Variants in TNC observed in about 807,000 individuals in gnomAD.
The protein encoded by TNC is tenascin.
Under a neutral mutation model 202.4 loss-of-function variants are expected in TNC, and 109 were observed. The observed-to-expected ratio is 0.54, with a 90% CI of 0.46 to 0.63. The LOEUF (loss-of-function observed/expected upper bound fraction) is 0.63. TNC is among the 30% of genes least tolerant of loss of function. The pLI, the probability that TNC is intolerant of heterozygous loss-of-function variation, is 0.00. For missense variants in TNC, 2,756 were observed against 2,833.3 expected (o/e 0.97, Z 0.62); for synonymous variants, 1,007 against 1,089.7 (o/e 0.92, Z 1.50).
At position 115,021,083 on chromosome 9, in the gene TNC, T is replaced by C; in HGVS notation, c.*74A>G. The stretch of plus-strand genomic sequence containing the variant: ...AGGTGTGGACCGATGGTTGGGCTGG[T>C]TGTATTGATGCTTTGGTAAAATCCT... On this transcript the variant is annotated 3_prime_UTR_variant, in exon 28 of 28. Coordinates refer to ENST00000350763, the MANE Select transcript of TNC (RefSeq NM_002160.4). 7.9e-7 allele frequency: 1 copy of C among 1,258,206 alleles called. No homozygotes were observed. Among genetic ancestry groups the C allele is most frequent in the Non-Finnish European group, 1.1e-6 (1 of 870,450 alleles). 77.9% of individuals were successfully genotyped at this position (1,258,206 alleles called of 1,614,324 possible). A position where few individuals can be genotyped will look rare whatever the true frequency, so the allele number is the denominator to read the frequency against.
intron 15 of TNC, chr9:115,055,357 T>A (rs1311535000): frequency 6.6e-6 from 1 of 152,624 alleles, no homozygotes; most frequent in Non-Finnish European, 1.5e-5. Context: ...TGGATGGCTC[T>A]ATCAAATTTG....
intron 1 of TNC, among the ~76,000 whole-genome samples, chr9:115,112,142 T>C (rs1179579787): frequency 6.6e-6 from 1 of 152,230 alleles, no homozygotes; most frequent in Non-Finnish European, 1.5e-5. Flanking sequence ...ATTTTTCTTT[T>C]CTAAAAGAAT....
intron 25 of TNC, among the ~76,000 whole-genome samples, chr9:115,028,924 G>GAAAAAAAAAAAAA (rs57737243): frequency 6.3e-5 from 4 of 63,964 alleles, no homozygotes; most frequent in African/African-American, 6.4e-5. Flanking sequence ...CATTATCTCT[G>GAAAAAAAAAAAAA]AAAAAAAAAA....
rs1296019553 is a variant in TNC at position 115,038,306 on chromosome 9, T to C, written c.5467A>G (p.Ile1823Val). 1.2e-6 allele frequency: 2 copies of C among 1,613,992 alleles called. No individual in the cohort carries two copies. The highest frequency in any genetic ancestry group is 2.7e-5 in the African/African-American group (2 of 74,908). Residue 1823 changes from isoleucine (I) to valine (V), a missense_variant, in exon 20 of 28, where the codon ATT becomes GTT. Ile to Val is a conservative substitution (Grantham distance 29, BLOSUM62 3). Around this residue, in one of 2 missense-constraint regions of TNC, gnomAD observed 2,559 missense variants for 2,546.0 expected, o/e 1.01. Transcript: ENST00000350763. ...SEALARWQPA[I>V]ATVDSYVISY... Reference sequence around the variant, plus strand: ...ATGACATAACTGTCCACAGTGGCAATGGCTGGCTGCCACCTGGCCAAGGCT... The same window carrying C: ...ATGACATAACTGTCCACAGTGGCAACGGCTGGCTGCCACCTGGCCAAGGCT...
In TNC at chr9:115,057,146, C is replaced by T. The variant is rs1353116901; in HGVS notation, c.4579+7G>A. ...AGTGCGTTAGAAATGGGAGAATGCA[C>T]ATGTACCTGTCGTGGCTGTGGCACT... On this transcript the variant is annotated splice_region_variant and intron_variant, in intron 15 of 27. Transcript: ENST00000350763. The T allele has an allele frequency of 6.2e-7, 1 of 1,607,402 alleles. No individual in the cohort carries two copies. The highest frequency in any genetic ancestry group is 8.5e-7 in the Non-Finnish European group (1 of 1,176,450).
chr9:115,057,137 G>A lies in TNC; in HGVS notation c.4579+16C>T, dbSNP rs779544852. 6.3e-7 allele frequency: 1 copy of A among 1,599,448 alleles called. No individual in the cohort carries two copies. The highest frequency in any genetic ancestry group is 8.5e-7 in the Non-Finnish European group (1 of 1,172,064). ...TGTGGAGAGAGTGCGTTAGAAATGG[G>A]AGAATGCACATGTACCTGTCGTGGC... On this transcript the variant is annotated intron_variant, in intron 15 of 27. Transcript: ENST00000350763.
intron 4 of TNC, among the ~76,000 whole-genome samples, chr9:115,083,890 C>T (rs911490707): frequency 2.6e-5 from 4 of 152,140 alleles, no homozygotes; most frequent in African/African-American, 9.7e-5. Context: ...CGGGCATGAG[C>T]CACCATGCCC....
chr9:115,035,348 G>A lies in TNC; in HGVS notation c.5657-14C>T, dbSNP rs775403621. 1 of 1,603,950 alleles carries A rather than the reference G, an allele frequency of 6.2e-7. No homozygotes were observed. Among genetic ancestry groups the A allele is most frequent in the Non-Finnish European group, 8.5e-7 (1 of 1,175,850 alleles). ...GAGAATCGAGGTCTGGAGAAGACAGGATGATTAATATCGGATAAGATCAGC... is the reference window on the plus strand; with the variant it reads ...GAGAATCGAGGTCTGGAGAAGACAGAATGATTAATATCGGATAAGATCAGC... On this transcript the variant is annotated splice_polypyrimidine_tract_variant and intron_variant, in intron 21 of 27. Transcript: ENST00000350763.
intron 25 of TNC, among the ~76,000 whole-genome samples, chr9:115,028,971 T>G (rs377226463): frequency 9.7e-6 from 1 of 102,590 alleles, no homozygotes. Context: ...AAGAAAGTCA[T>G]GGACCACAGG....
intron 9 of TNC, 45 bp downstream of exon 9, chr9:115,075,987 G>A (rs571681113): frequency 6.5e-7 from 1 of 1,549,350 alleles, no homozygotes. Flanking sequence ...TGTCTCATCT[G>A]CCCAGCACCA....
intron 22 of TNC, among the ~76,000 whole-genome samples, chr9:115,034,875 T>A (rs1830202509): frequency 6.6e-6 from 1 of 152,184 alleles, no homozygotes; most frequent in Admixed American, 6.5e-5. Context: ...TGTGAGATAA[T>A]ACATATGGCA....
At position 115,038,330 on chromosome 9, in the gene TNC, C is replaced by T. The variant is rs1181552357; in HGVS notation, c.5443G>A (p.Ala1815Thr). 2.5e-6 allele frequency: 4 copies of T among 1,614,050 alleles called. No individual in the cohort carries two copies. Among genetic ancestry groups the T allele is most frequent in the Non-Finnish European group, 3.4e-6 (4 of 1,180,008 alleles). ...LVTANITDSE[A>T]LARWQPAIAT... ...ATGGCTGGCTGCCACCTGGCCAAGG[C>T]TTCTGAGTCAGTGATGTTGGCTGTC... The change falls in exon 20 of 28, where the codon GCC (alanine) becomes ACC (threonine). Residue 1815 changes from alanine to threonine, a missense_variant. By Grantham distance (58) the Ala-to-Thr change is moderately conservative. Around this residue, in one of 2 missense-constraint regions of TNC, gnomAD observed 2,559 missense variants for 2,546.0 expected, o/e 1.01. Coordinates refer to ENST00000350763, the MANE Select transcript of TNC (RefSeq NM_002160.4).
chr9:115,026,758 A>AC, intron 25 of TNC, 63 bp from the exon 26 acceptor site: 1 of 1,558,992 alleles, frequency 6.4e-7, no homozygotes, highest in African/African-American at 1.4e-5. Flanking sequence ...TTTCTATTTC[A>AC]CTCTGTAAAA....
chr9:115,085,906 A>G lies in TNC; in HGVS notation c.1825T>C (p.Cys609Arg). The change falls in exon 3 of 28, where the codon TGC (cysteine) becomes CGC (arginine). Residue 609 changes from cysteine to arginine, a missense_variant. By Grantham distance (180) the Cys-to-Arg change is radical. Coordinates refer to ENST00000350763, the MANE Select transcript of TNC (RefSeq NM_002160.4). Reference sequence around the variant, plus strand: ...CCGCTGTAGCCCTCGTTGCAGATGCAGCGGCCCGAGACGCATTGTCCTAAG... The same window carrying G: ...CCGCTGTAGCCCTCGTTGCAGATGCGGCGGCCCGAGACGCATTGTCCTAAG... ...NNLGQCVSGRCICNEGYSGED... is the reference protein window; with the variant it reads ...NNLGQCVSGRRICNEGYSGED... 6.2e-7 allele frequency: 1 copy of G among 1,612,688 alleles called. No homozygotes were observed. The highest frequency in any genetic ancestry group is 8.5e-7 in the Non-Finnish European group (1 of 1,178,900).
intron 15 of TNC, among the ~76,000 whole-genome samples, chr9:115,050,077 A>G (rs1831530539): frequency 6.6e-6 from 1 of 152,140 alleles, no homozygotes; most frequent in African/African-American, 2.4e-5. Context: ...TCTGAGAGAC[A>G]AGGGTCTCGA....
intron 15 of TNC, among the ~76,000 whole-genome samples, chr9:115,055,047 A>C (rs4460459): frequency 6.6e-6 from 1 of 151,912 alleles, no homozygotes; most frequent in African/African-American, 2.4e-5. Flanking sequence ...TAGAGAGAAA[A>C]AGAGTGTAGA....
At position 115,091,129 on chromosome 9, in the gene TNC, C is replaced by G; in HGVS notation, c.-111G>C. On this transcript the variant is annotated 5_prime_UTR_variant, in exon 2 of 28. Transcript: ENST00000350763. The stretch of plus-strand genomic sequence containing the variant: ...CAGAGTAGACTTCAAATCAGTTGTC[C>G]CTGATCTTCTTGAAAGAATTATTTT... 1 of 811,606 alleles carries G rather than the reference C, an allele frequency of 1.2e-6. No individual in the cohort carries two copies. Among genetic ancestry groups the G allele is most frequent in the Non-Finnish European group, 1.9e-6 (1 of 525,686 alleles). The allele number at this position is 811,606 out of a possible 1,614,324, so 50.3% of individuals were successfully genotyped here.
intron 15 of TNC, among the ~76,000 whole-genome samples, chr9:115,051,396 G>C (rs1831641472): frequency 2.0e-5 from 3 of 152,072 alleles, no homozygotes; most frequent in African/African-American, 7.2e-5. Flanking sequence ...TATACAACCA[G>C]GTCTTCCGAC....
chr9:115,072,901 A>G (rs1284713388), intron 10 of TNC, among the ~76,000 whole-genome samples: 1 of 152,128 alleles, frequency 6.6e-6, no homozygotes, highest in African/African-American at 2.4e-5. Flanking sequence ...TATTTTAAAA[A>G]CCTGGTTGTC....
Sources: gnomAD v4.1 joint callset for allele counts (sites outside exome capture counted in the v4.1 genomes callset) on GRCh38, gnomAD v4.1.1 for gene constraint, gnomAD v4.1.1 regional missense constraint, MANE v1.5 for transcripts, NCBI Gene and HGNC (gene_info 2026-07-23, HGNC 2026-07-21) for gene names.